KCNH8: variants seen among roughly 807,000 people sequenced by gnomAD.
KCNH8 encodes the protein voltage-gated delayed rectifier potassium channel KCNH8.
KCNH8 carries 70 observed loss-of-function variants against 103.6 expected under a neutral mutation model. The observed-to-expected ratio is 0.68, with a 90% CI of 0.56 to 0.82. The LOEUF (loss-of-function observed/expected upper bound fraction) is 0.82. Ranked by LOEUF, KCNH8 falls within the 40% of genes least tolerant of loss-of-function variation. The pLI is 0.00. For synonymous variants in KCNH8, 498 were observed against 489.4 expected, an observed-to-expected ratio of 1.02 and a Z score of -0.23; for missense variants, 1,217 against 1,329.9, an observed-to-expected ratio of 0.92 and a Z score of 1.32.
At chr3:19,486,185 A>G (rs1304116497) in intron 11 of KCNH8, among the ~76,000 whole-genome samples, 2 of 152,212 alleles carry the variant, frequency 1.3e-5, no homozygotes, top group African/African-American at 4.8e-5. Context: ...CTGGTCCTGA[A>G]GGTCAGGTCT....
chr3:19,472,868 T>A (rs2067892334), intron 11 of KCNH8, among the ~76,000 whole-genome samples: 1 of 152,214 alleles, frequency 6.6e-6, no homozygotes, highest in South Asian at 2.1e-4. Flanking sequence ...TCTCATCTTT[T>A]TTTACTTTCT....
intron 2 of KCNH8, among the ~76,000 whole-genome samples, chr3:19,279,569 A>T (rs1325507771): frequency 2.7e-4 from 2 of 7,342 alleles, no homozygotes; most frequent in Non-Finnish European, 5.4e-4. Flanking sequence ...CCATAGGGCT[A>T]AAAAAAAAAA....
At chr3:19,468,106 T>C (rs934409827) in intron 11 of KCNH8, among the ~76,000 whole-genome samples, 17 of 152,240 alleles carry the variant, frequency 1.1e-4, no homozygotes, top group Non-Finnish European at 2.1e-4. Context: ...GTTTGTCTTT[T>C]TTCATGGCAT....
At position 19,335,440 on chromosome 3, in the gene KCNH8, T is replaced by C. The variant is rs983221932; in HGVS notation, c.443-7147T>C. On this transcript the variant is annotated intron_variant, in intron 3 of 15. Transcript: ENST00000328405. ...GTATATGTGTGTGTATATATATGTGTGTGTGTATATATATATGTGTGTGTG... is the reference window on the plus strand; with the variant it reads ...GTATATGTGTGTGTATATATATGTGCGTGTGTATATATATATGTGTGTGTG... 2.0e-5 allele frequency among the ~76,000 whole-genome samples: 3 copies of C among 147,294 alleles called. No individual in the cohort carries two copies. The Admixed American group carries it at 2.1e-4, about 10-fold the overall frequency.
chr3:19,377,418 T>G (rs1292613839), intron 5 of KCNH8, among the ~76,000 whole-genome samples: 1 of 152,156 alleles, frequency 6.6e-6, no homozygotes, highest in African/African-American at 2.4e-5. Context: ...TGATTAAGAG[T>G]CCAAGGGTGG....
At chr3:19,300,922 C>G (rs1330121159) in intron 3 of KCNH8, among the ~76,000 whole-genome samples, 1 of 150,862 alleles carries the variant, frequency 6.6e-6, no homozygotes, top group African/African-American at 2.4e-5. Flanking sequence ...TTTTTTAAAG[C>G]CTTTCTAGTA....
rs530744690 is a variant in KCNH8 at position 19,410,955 on chromosome 3, C to T, written c.1177+15644C>T. ...CAGAAGTACAGAGAAAGCCAGGTACCAATTCCACTAGAACTAATTTCAAAA... is the reference window on the plus strand; with the variant it reads ...CAGAAGTACAGAGAAAGCCAGGTACTAATTCCACTAGAACTAATTTCAAAA... On this transcript the variant is annotated intron_variant, in intron 7 of 15. Coordinates refer to ENST00000328405, the MANE Select transcript of KCNH8 (RefSeq NM_144633.3). 1.3e-5 allele frequency among the ~76,000 whole-genome samples: 2 copies of T among 151,130 alleles called. 1 individual carries two copies. The highest frequency in any genetic ancestry group is 4.9e-5 in the African/African-American group (2 of 41,162).
rs572271743 is a variant in KCNH8, at chr3:19,403,341, C to CA, written c.1177+8031dup. Among the ~76,000 whole-genome samples the CA allele has an allele frequency of 9.4e-4, 129 of 136,964 alleles. 2 individuals are homozygous for CA. Among genetic ancestry groups the CA allele is most frequent in the Non-Finnish European group, 1.1e-3 (67 of 62,470 alleles). 89.9% of individuals were successfully genotyped at this position (136,964 alleles called of 152,430 possible). A position where few individuals can be genotyped will look rare whatever the true frequency, so the allele number is the denominator to read the frequency against. ...TTACTCACTTTCTTCTGTTCCCCCCCATGAAATACATATGTAAAGAATATA... is the reference window on the plus strand; with the variant it reads ...TTACTCACTTTCTTCTGTTCCCCCCCAATGAAATACATATGTAAAGAATATA... On this transcript the variant is annotated intron_variant, in intron 7 of 15. Transcript: ENST00000328405.
chr3:19,474,917 C>T (rs1002407592), intron 11 of KCNH8, among the ~76,000 whole-genome samples: 7 of 152,108 alleles, frequency 4.6e-5, no homozygotes, highest in Non-Finnish European at 8.8e-5. Context: ...AAAATGTTAG[C>T]ATCATATATA....
chr3:19,500,863 T>G (rs536126482), intron 11 of KCNH8, among the ~76,000 whole-genome samples: 2 of 152,064 alleles, frequency 1.3e-5, no homozygotes, highest in African/African-American at 4.8e-5. Context: ...ACATGACAAT[T>G]AAAAGATCTA....
chr3:19,234,239 C>T (rs920143816), intron 1 of KCNH8, among the ~76,000 whole-genome samples: 4 of 152,200 alleles, frequency 2.6e-5, no homozygotes, highest in African/African-American at 4.8e-5. Context: ...GATCCCGCAC[C>T]GGGGCTGCAG....
intron 7 of KCNH8, among the ~76,000 whole-genome samples, chr3:19,434,503 G>T (rs1010944988): frequency 6.6e-6 from 1 of 152,174 alleles, no homozygotes; most frequent in Non-Finnish European, 1.5e-5. Context: ...GAGGCTGAAG[G>T]GGGTGGAGAA....
chr3:19,284,510 TG>T (rs949981149), intron 3 of KCNH8, among the ~76,000 whole-genome samples: 3 of 83,436 alleles, frequency 3.6e-5, no homozygotes, highest in South Asian at 4.0e-4. Context: ...GATCTGCTGG[TG>T]TGTGTGTGTG....
At chr3:19,204,022 C>T (rs1473924151) in intron 1 of KCNH8, among the ~76,000 whole-genome samples, 2 of 151,854 alleles carry the variant, frequency 1.3e-5, no homozygotes, top group Admixed American at 6.6e-5. Context: ...ATTGCTTCAC[C>T]AATATATTTT....
intron 3 of KCNH8, among the ~76,000 whole-genome samples, chr3:19,334,130 G>A (rs1452555663): frequency 7.3e-5 from 11 of 151,388 alleles, no homozygotes; most frequent in Admixed American, 5.9e-4. Flanking sequence ...CGTATGGACC[G>A]TCATTGAATG....
intron 1 of KCNH8, among the ~76,000 whole-genome samples, chr3:19,181,187 A>G (rs1467224876): frequency 1.3e-5 from 2 of 152,190 alleles, no homozygotes; most frequent in African/African-American, 4.8e-5. Flanking sequence ...TCAGAAAATA[A>G]TTTTTAAAAG....
intron 5 of KCNH8, among the ~76,000 whole-genome samples, chr3:19,364,671 T>A (rs1236348465): frequency 6.6e-6 from 1 of 152,092 alleles, no homozygotes; most frequent in Non-Finnish European, 1.5e-5. Context: ...GGATTTTACA[T>A]GTCAGAATAT....
intron 7 of KCNH8, among the ~76,000 whole-genome samples, chr3:19,400,824 A>C (rs1168865503): frequency 6.6e-6 from 1 of 151,918 alleles, no homozygotes; most frequent in Non-Finnish European, 1.5e-5. Context: ...AAAAAAAATG[A>C]CCAGGCTTAT....
intron 3 of KCNH8, among the ~76,000 whole-genome samples, chr3:19,328,821 A>G (rs2065466399): frequency 6.6e-6 from 1 of 152,134 alleles, no homozygotes; most frequent in Non-Finnish European, 1.5e-5. Flanking sequence ...AAAGAATCCT[A>G]TTTCTGTCAT....
Sources: gnomAD v4.1 joint callset for allele counts (sites outside exome capture counted in the v4.1 genomes callset) on GRCh38, gnomAD v4.1.1 for gene constraint, MANE v1.5 for transcripts, NCBI Gene and HGNC (gene_info 2026-07-23, HGNC 2026-07-21) for gene names.